RAD51AP1: variants seen among roughly 807,000 people sequenced by gnomAD.
RAD51AP1 encodes the protein RAD51-associated protein 1.
In RAD51AP1, 14 loss-of-function variants were observed where a neutral mutation model predicts 34.3. That is an observed-to-expected ratio of 0.41 (90% confidence interval 0.27 to 0.64). The LOEUF (loss-of-function observed/expected upper bound fraction) is 0.64. Among genes scored for constraint, RAD51AP1 ranks in the 30% least tolerant of loss-of-function variants. RAD51AP1 has a pLI of 0.33. For missense variants in RAD51AP1, 348 were observed against 386.9 expected (o/e 0.90, Z 0.84); for synonymous variants, 114 against 129.8 (o/e 0.88, Z 0.83).
In RAD51AP1 at chr12:4,538,961, G is replaced by A. The variant is rs201328926; in HGVS notation, c.17+5G>A. 304 of 1,610,034 alleles carry A rather than the reference G, an allele frequency of 1.9e-4. No individual in the cohort carries two copies. The highest frequency in any genetic ancestry group is 2.5e-4 in the Non-Finnish European group (290 of 1,176,486). On this transcript the variant is annotated splice_donor_5th_base_variant and intron_variant, in intron 1 of 8. Coordinates refer to ENST00000352618, the MANE Select transcript of RAD51AP1 (RefSeq NM_006479.5). ...GACCATGGTGCGGCCTGTGAGGTGGGTAGTTCCTGACATTCGTCGGGGGTG... is the reference window on the plus strand; with the variant it reads ...GACCATGGTGCGGCCTGTGAGGTGGATAGTTCCTGACATTCGTCGGGGGTG...
chr12:4,556,458 G>T lies in RAD51AP1; in HGVS notation c.827G>T (p.Arg276Leu). Residue 276 changes from arginine to leucine, a missense_variant, in exon 8 of 9, where the codon CGC (arginine) becomes CTC (leucine). Arg to Leu is a moderately radical substitution (Grantham distance 102). Transcript: ENST00000352618. Reference sequence around the variant, plus strand: ...ACCACTAGGAAACCATTAGAAATACGCAGTCCTTCAGCTGAAAGCAAGAAA... The same window carrying T: ...ACCACTAGGAAACCATTAGAAATACTCAGTCCTTCAGCTGAAAGCAAGAAA... ...SDTTRKPLEI[R>L]SPSAESKKPK... is the part of the protein sequence containing the mutation. 6.2e-7 allele frequency: 1 copy of T among 1,613,452 alleles called. No homozygotes were observed. Among genetic ancestry groups the T allele is most frequent in the Non-Finnish European group, 8.5e-7 (1 of 1,179,454 alleles).
intron 3 of RAD51AP1, chr12:4,545,350 A>T: frequency 2.8e-6 from 1 of 354,158 alleles, no homozygotes; most frequent in South Asian, 2.3e-5. Context: ...TGAAATGTCC[A>T]GAATAGGCAA....
At chr12:4,541,386 G>A (rs982766066) in intron 1 of RAD51AP1, among the ~76,000 whole-genome samples, 1 of 152,126 alleles carries the variant, frequency 6.6e-6, no homozygotes. Context: ...ATGGTGGAGA[G>A]ATTGAAAAGA....
At chr12:4,558,272 T>A (rs1044401342) in intron 8 of RAD51AP1, among the ~76,000 whole-genome samples, 15 of 152,318 alleles carry the variant, frequency 9.8e-5, no homozygotes, top group Middle Eastern at 6.8e-3. Context: ...GTCTGAGTTA[T>A]AGGGTAGCAG....
chr12:4,550,725 C>T (rs529502761), intron 6 of RAD51AP1, among the ~76,000 whole-genome samples: 5 of 152,226 alleles, frequency 3.3e-5, no homozygotes, highest in African/African-American at 7.2e-5. Context: ...CCATGGCCTC[C>T]GCCTCACAGG....
At chr12:4,549,831 C>T (rs1471324598) in intron 6 of RAD51AP1, among the ~76,000 whole-genome samples, 1 of 152,176 alleles carries the variant, frequency 6.6e-6, no homozygotes, top group Non-Finnish European at 1.5e-5. Flanking sequence ...TCAGCCTATA[C>T]TATATGATCT....
intron 7 of RAD51AP1, among the ~76,000 whole-genome samples, chr12:4,554,177 A>C (rs1179589700): frequency 6.6e-6 from 1 of 152,222 alleles, no homozygotes; most frequent in Non-Finnish European, 1.5e-5. Flanking sequence ...TCTAGGAGAC[A>C]AACCACGTTC....
Position 4,553,032 on chromosome 12 carries a change from C to T in RAD51AP1, c.606C>T (p.Asp202=), listed in dbSNP as rs202224916. Residue 202 remains aspartate, a synonymous_variant, in exon 7 of 9, where the codon GAC becomes GAT. Coordinates refer to ENST00000352618, the MANE Select transcript of RAD51AP1 (RefSeq NM_006479.5). ...DSDFCESEDN[D]EDFSMRKSKV... ...ATTTTTGTGAGAGTGAGGATAATGA[C>T]GAAGACTTCTCTATGAGAAAAAGTA... 29 of 1,603,222 alleles carry T rather than the reference C, an allele frequency of 1.8e-5. No individual in the cohort carries two copies. The highest frequency in any genetic ancestry group is 8.1e-5 in the African/African-American group (6 of 73,998).
intron 6 of RAD51AP1, chr12:4,550,530 G>C (rs1944538610): frequency 6.6e-6 from 1 of 152,244 alleles, no homozygotes; most frequent in South Asian, 2.1e-4. Flanking sequence ...TATAGCACGG[G>C]AACCGTTATG....
chr12:4,553,278 G>T (rs1944559660), intron 7 of RAD51AP1, 131 bp downstream of exon 7: 2 of 770,468 alleles, frequency 2.6e-6, no homozygotes, highest in South Asian at 4.1e-5. Context: ...ATATGTAAAA[G>T]GAAGGTGGGG....
chr12:4,547,343 C>T (rs753049426), intron 4 of RAD51AP1, among the ~76,000 whole-genome samples: 2 of 152,134 alleles, frequency 1.3e-5, no homozygotes, highest in African/African-American at 2.4e-5. Context: ...GGATTACAGG[C>T]GAGAGCCACC....
At chr12:4,553,803 C>G (rs1944563947) in intron 7 of RAD51AP1, among the ~76,000 whole-genome samples, 1 of 152,004 alleles carries the variant, frequency 6.6e-6, no homozygotes, top group South Asian at 2.1e-4. Context: ...CAAAATATAA[C>G]TGTCATTAAC....
At chr12:4,545,896 A>G (rs1210365288) in intron 3 of RAD51AP1, 3 of 1,549,822 alleles carry the variant, frequency 1.9e-6, no homozygotes, top group Non-Finnish European at 2.6e-6. Flanking sequence ...AAAAAATGAT[A>G]ATAATTTTAA....
chr12:4,558,824 A>G (rs1944600495), intron 8 of RAD51AP1, 33 bp from the exon 9 acceptor site: 3 of 1,600,282 alleles, frequency 1.9e-6, no homozygotes, highest in South Asian at 2.3e-5. Flanking sequence ...GATTTCTGAC[A>G]TCATCAGCAT....
At chr12:4,555,648 G>T (rs1237316527) in intron 7 of RAD51AP1, among the ~76,000 whole-genome samples, 2 of 152,072 alleles carry the variant, frequency 1.3e-5, no homozygotes, top group African/African-American at 2.4e-5. Flanking sequence ...CTGGAACTTG[G>T]TGCATCCTCC....
intron 1 of RAD51AP1, among the ~76,000 whole-genome samples, chr12:4,539,482 C>T (rs540530841): frequency 6.6e-6 from 1 of 152,234 alleles, no homozygotes; most frequent in South Asian, 2.1e-4. Context: ...TATAGTTAGC[C>T]ATTCATTTAA....
intron 2 of RAD51AP1, among the ~76,000 whole-genome samples, chr12:4,543,297 GT>G (rs1944482282): frequency 6.6e-6 from 1 of 152,138 alleles, no homozygotes. Context: ...GTGACTTCAG[GT>G]GATCTGCCCG....
At chr12:4,548,385 C>T (rs1047253218) in intron 5 of RAD51AP1, among the ~76,000 whole-genome samples, 1 of 152,174 alleles carries the variant, frequency 6.6e-6, no homozygotes, top group Non-Finnish European at 1.5e-5. Flanking sequence ...CTACCCGTGG[C>T]TTCTAGTTGG....
Position 4,557,267 on chromosome 12 carries a change from C to T in RAD51AP1, c.871+765C>T, listed in dbSNP as rs116535271. On this transcript the variant is annotated intron_variant, in intron 8 of 8. Coordinates refer to ENST00000352618, the MANE Select transcript of RAD51AP1 (RefSeq NM_006479.5). Reference sequence around the variant, plus strand: ...TTTCTTCATGTGTCCCCTCTCCTTGCCTGAGCCCTTCCAATTCTACTCCTG... The same window carrying T: ...TTTCTTCATGTGTCCCCTCTCCTTGTCTGAGCCCTTCCAATTCTACTCCTG... Among the ~76,000 whole-genome samples, 263 of 152,232 alleles carry T rather than the reference C, an allele frequency of 1.7e-3. 1 individual carries two copies. Among genetic ancestry groups the T allele is most frequent in the African/African-American group, 6.0e-3 (251 of 41,532 alleles).
Sources: gnomAD v4.1 joint callset for allele counts (sites outside exome capture counted in the v4.1 genomes callset) on GRCh38, gnomAD v4.1.1 for gene constraint, MANE v1.5 for transcripts, NCBI Gene and HGNC (gene_info 2026-07-23, HGNC 2026-07-21) for gene names.